AP5Z1: variants seen among roughly 807,000 people sequenced by gnomAD.
AP5Z1 encodes AP-5 complex subunit zeta-1.
In AP5Z1, 106 loss-of-function variants were observed where a neutral mutation model predicts 83.0. The observed-to-expected ratio is 1.28, with a 90% confidence interval of 1.09 to 1.50. The LOEUF is 1.50. Among genes scored for constraint, AP5Z1 ranks in the 40% most tolerant of loss-of-function variants. The pLI is 0.00. For synonymous variants in AP5Z1, 751 were observed against 514.1 expected (o/e 1.46, Z -6.23); for missense variants, 1,565 against 1,094.2 (o/e 1.43, Z -6.07).
Position 4,790,752 on chromosome 7 carries a change from C to T in AP5Z1, c.2018C>T (p.Ala673Val), listed in dbSNP as rs754422151. ...TVEQINKFFE[A>V]LEALLFEVTQ... The stretch of plus-strand genomic sequence containing the variant: ...GAGCAGATCAACAAGTTCTTCGAAG[C>T]CCTGGAGGCTCTGCTATTCGAGGTC... The change falls in exon 16 of 17, where the codon GCC (alanine) becomes GTC (valine). Residue 673 changes from alanine (A) to valine (V), a missense_variant. Physicochemically the swap from Ala to Val is moderately conservative, Grantham distance 64 (BLOSUM62 0). Transcript: ENST00000649063. 8.1e-6 allele frequency: 13 copies of T among 1,609,292 alleles called. No homozygotes were observed. Among genetic ancestry groups the T allele is most frequent in the Non-Finnish European group, 1.1e-5 (13 of 1,178,832 alleles).
At chr7:4,782,274 T>G (rs930076101) in intron 3 of AP5Z1, among the ~76,000 whole-genome samples, 1 of 152,162 alleles carries the variant, frequency 6.6e-6, no homozygotes. Flanking sequence ...CAGGCTGGTC[T>G]CAAACTTCTG....
intron 1 of AP5Z1, among the ~76,000 whole-genome samples, chr7:4,780,914 GA>G (rs1213311822): frequency 1.3e-5 from 2 of 152,212 alleles, no homozygotes; most frequent in Non-Finnish European, 2.9e-5. Flanking sequence ...CTGGGAACAA[GA>G]AAATCTAAGT....
In AP5Z1 at chr7:4,787,796, C is replaced by G. The variant is rs1176000142; in HGVS notation, c.1454+20C>G. 6.6e-7 allele frequency: 1 copy of G among 1,516,076 alleles called. No homozygotes were observed. The highest frequency in any genetic ancestry group is 1.2e-5 in the South Asian group (1 of 82,326). The allele number at this position is 1,516,076 out of a possible 1,614,324, so 93.9% of individuals were successfully genotyped here. A position where few individuals can be genotyped will look rare whatever the true frequency, so the allele number is the denominator to read the frequency against. On this transcript the variant is annotated intron_variant, in intron 11 of 16. Transcript: ENST00000649063. ...GCTCAGGTGGGCCCCTCACCCTCTG[C>G]CAGCGCTGCGTCTCCCAGCCAGCTG... is the stretch of plus-strand genomic sequence containing the variant.
In AP5Z1 at chr7:4,792,222, C is replaced by T. The variant is rs1370706900; in HGVS notation, c.*837C>T. 1.3e-5 allele frequency: 2 copies of T among 152,222 alleles called. No homozygotes were observed. The highest frequency in any genetic ancestry group is 2.9e-5 in the Non-Finnish European group (2 of 68,066). The allele number at this position is 152,222 out of a possible 1,614,324, so 9.4% of individuals were successfully genotyped here. ...CCAAGGCACAGCTGTGTCGCACGTT[C>T]CGCCCGGTGCCTGGGACGGGCTCAG... On this transcript the variant is annotated 3_prime_UTR_variant, in exon 17 of 17. Coordinates refer to ENST00000649063, the MANE Select transcript of AP5Z1 (RefSeq NM_014855.3).
At chr7:4,788,049 G>T (rs1781611715) in intron 11 of AP5Z1, 105 bp from the exon 12 acceptor site, 5 of 1,424,492 alleles carry the variant, frequency 3.5e-6, no homozygotes, top group Non-Finnish European at 4.6e-6. Context: ...CCTGGCACCC[G>T]AGGTGCTGTG....
intron 14 of AP5Z1, 25 bp downstream of exon 14, chr7:4,789,954 A>C: frequency 6.6e-7 from 1 of 1,505,728 alleles, no homozygotes; most frequent in Non-Finnish European, 8.9e-7. Flanking sequence ...CGCTCCTGCC[A>C]CAGCCCTGGG....
Position 4,790,805 on chromosome 7 carries a change from C to A in AP5Z1, c.2071C>A (p.Pro691Thr). 1 of 1,609,190 alleles carries A rather than the reference C, an allele frequency of 6.2e-7. No homozygotes were observed. The highest frequency in any genetic ancestry group is 8.5e-7 in the Non-Finnish European group (1 of 1,178,816). Residue 691 changes from proline to threonine, a missense_variant, in exon 16 of 17, where the codon CCC becomes ACC. Transcript: ENST00000649063. ...VTQCRPSAAL[P>T]RCPPQVVTVL... Reference sequence around the variant, plus strand: ...CCAGTGCCGCCCCTCTGCTGCCCTGCCCAGGTGTCCCCCCCAGGTGGTCAC... The same window carrying A: ...CCAGTGCCGCCCCTCTGCTGCCCTGACCAGGTGTCCCCCCCAGGTGGTCAC...
intron 2 of AP5Z1, 47 bp downstream of exon 2, chr7:4,781,359 G>C: frequency 6.2e-7 from 1 of 1,608,866 alleles, no homozygotes; most frequent in Non-Finnish European, 8.5e-7. Flanking sequence ...AGCGGCCCCA[G>C]GAGAACCCAG....
rs1394866192 is a variant in AP5Z1 at position 4,788,269 on chromosome 7, C to T, written c.1570C>T (p.Pro524Ser). The change falls in exon 12 of 17, where the codon CCC (proline) becomes TCC (serine). Residue 524 changes from proline to serine, a missense_variant. Coordinates refer to ENST00000649063, the MANE Select transcript of AP5Z1 (RefSeq NM_014855.3). ...FQGLFQYLLRPKASGATERLA... is the reference protein window; with the variant it reads ...FQGLFQYLLRSKASGATERLA... ...GGGTCTTTTCCAATACCTGCTGCGC[C>T]CCAAGGCCAGTGGCGCCACTGAGAG... 6.3e-7 allele frequency: 1 copy of T among 1,591,836 alleles called. No individual in the cohort carries two copies. Among genetic ancestry groups the T allele is most frequent in the Non-Finnish European group, 8.5e-7 (1 of 1,170,760 alleles).
At chr7:4,789,995 C>T (rs1781702645) in intron 14 of AP5Z1, 66 bp downstream of exon 14, 3 of 736,108 alleles carry the variant, frequency 4.1e-6, no homozygotes, top group Non-Finnish European at 5.6e-6. Context: ...CCCCCTCTCC[C>T]CTCCCCCCTC....
At chr7:4,788,975 C>T in intron 13 of AP5Z1, 24 bp downstream of exon 13, 2 of 1,596,360 alleles carry the variant, frequency 1.3e-6, no homozygotes, top group Non-Finnish European at 1.7e-6. Flanking sequence ...CTGGGGCCCC[C>T]CATTCCCACA....
intron 6 of AP5Z1, among the ~76,000 whole-genome samples, chr7:4,784,670 C>T (rs756061697): frequency 6.6e-6 from 1 of 152,196 alleles, no homozygotes; most frequent in South Asian, 2.1e-4. Flanking sequence ...TGGAGTGACG[C>T]CACTGAGCTC....
At chr7:4,788,771 G>C (rs368160960) in intron 12 of AP5Z1, 69 bp from the exon 13 acceptor site, 26 of 1,363,606 alleles carry the variant, frequency 1.9e-5, no homozygotes, top group East Asian at 1.8e-4. Context: ...GAGCAGTGGC[G>C]ACGTGGCCCC....
chr7:4,793,478 A>G lies in AP5Z1; in HGVS notation c.*2093A>G, dbSNP rs7784925. Reference sequence around the variant, plus strand: ...CCACTGCACTGTGGGAGCCCCTTTCAGGGCTGGCCAAGGCCGGAGCCGGCT... The same window carrying G: ...CCACTGCACTGTGGGAGCCCCTTTCGGGGCTGGCCAAGGCCGGAGCCGGCT... On this transcript the variant is annotated 3_prime_UTR_variant, in exon 17 of 17. Transcript: ENST00000649063. The G allele has an allele frequency of 0.054, 8,215 of 152,806 alleles. 419 individuals carry two copies. Among genetic ancestry groups the G allele is most frequent in the African/African-American group, 0.13 (5,552 of 41,564 alleles). The allele number at this position is 152,806 out of a possible 1,614,324, so 9.5% of individuals were successfully genotyped here.
At chr7:4,781,516 C>T in intron 2 of AP5Z1, 52 bp from the exon 3 acceptor site, 1 of 1,580,280 alleles carries the variant, frequency 6.3e-7, no homozygotes, top group South Asian at 1.1e-5. Flanking sequence ...ACCGGGTGCT[C>T]CTGCCACGGT....
At position 4,788,266 on chromosome 7, in the gene AP5Z1, C is replaced by A; in HGVS notation, c.1567C>A (p.Arg523Ser). 1 of 1,591,010 alleles carries A rather than the reference C, an allele frequency of 6.3e-7. No homozygotes were observed. Among genetic ancestry groups the A allele is most frequent in the Non-Finnish European group, 8.5e-7 (1 of 1,170,214 alleles). Residue 523 changes from arginine (R) to serine (S), a missense_variant, in exon 12 of 17, where the codon CGC (arginine) becomes AGC (serine). Coordinates refer to ENST00000649063, the MANE Select transcript of AP5Z1 (RefSeq NM_014855.3). ...QFQGLFQYLL[R>S]PKASGATERL... ...CCAGGGTCTTTTCCAATACCTGCTG[C>A]GCCCCAAGGCCAGTGGCGCCACTGA... is the stretch of plus-strand genomic sequence containing the variant.
intron 14 of AP5Z1, 178 bp downstream of exon 14, chr7:4,790,107 T>G: frequency 7.4e-7 from 1 of 1,356,598 alleles, no homozygotes; most frequent in Non-Finnish European, 9.8e-7. Context: ...CACTTCTCTC[T>G]GCTTCTCAAG....
Position 4,783,365 on chromosome 7 carries a change from C to T in AP5Z1, c.416C>T (p.Ala139Val), listed in dbSNP as rs376916591. Reference sequence around the variant, plus strand: ...GCCGTGGGCCAGGGCGTGCTACGAGCGCTGGAGAGCCGGCAGCCTGAGGGA... The same window carrying T: ...GCCGTGGGCCAGGGCGTGCTACGAGTGCTGGAGAGCCGGCAGCCTGAGGGA... Reference protein sequence around the residue: ...VRAVGQGVLRALESRQPEGPS... With the variant: ...VRAVGQGVLRVLESRQPEGPS... The change falls in exon 4 of 17, where the codon GCG (alanine) becomes GTG (valine). Residue 139 changes from alanine to valine, a missense_variant. Coordinates refer to ENST00000649063, the MANE Select transcript of AP5Z1 (RefSeq NM_014855.3). 43 of 1,612,982 alleles carry T rather than the reference C, an allele frequency of 2.7e-5. 1 individual carries two copies. The African/African-American group carries it at 2.8e-4, about 11-fold the overall frequency.
In AP5Z1 at chr7:4,790,099, C is replaced by G. The variant is rs916752586; in HGVS notation, c.1805+170C>G. On this transcript the variant is annotated intron_variant, in intron 14 of 16. Coordinates refer to ENST00000649063, the MANE Select transcript of AP5Z1 (RefSeq NM_014855.3). ...ACAGCCCCACACCCAGCCCCAGGCA[C>G]TTCTCTCTGCTTCTCAAGAACATTC... The G allele has an allele frequency of 1.1e-5, 15 of 1,346,138 alleles. No homozygotes were observed. The South Asian group carries it at 2.1e-4, about 18-fold the overall frequency. The allele number at this position is 1,346,138 out of a possible 1,614,324, so 83.4% of individuals were successfully genotyped here.
Sources: gnomAD v4.1 joint callset for allele counts (sites outside exome capture counted in the v4.1 genomes callset) on GRCh38, gnomAD v4.1.1 for gene constraint, MANE v1.5 for transcripts, NCBI Gene and HGNC (gene_info 2026-07-23, HGNC 2026-07-21) for gene names.